The following IQCM variants were observed in gnomAD, a reference collection of about 807,000 sequenced individuals.
The protein encoded by IQCM is IQ domain-containing protein M.
In IQCM, 45 loss-of-function variants were observed where a neutral mutation model predicts 57.6. The ratio of observed to expected loss-of-function variants is 0.78; its 90% CI spans 0.62 to 1.00. The LOEUF is 1.00. Among genes scored for constraint, IQCM ranks in the 50% least tolerant of loss-of-function variants. IQCM has a pLI of 0.00. For synonymous variants in IQCM, 148 were observed against 158.9 expected (o/e 0.93, Z 0.51); for missense variants, 468 against 511.6 (o/e 0.91, Z 0.82).
At chr4:149,662,080 C>T (rs530497024) in intron 7 of IQCM, among the ~76,000 whole-genome samples, 3 of 152,036 alleles carry the variant, frequency 2.0e-5, no homozygotes, top group African/African-American at 7.2e-5. Context: ...GCATTTATTG[C>T]TATAAATAAC....
At chr4:149,717,812 C>T (rs760816535) in intron 5 of IQCM, among the ~76,000 whole-genome samples, 1 of 152,206 alleles carries the variant, frequency 6.6e-6, no homozygotes, top group Non-Finnish European at 1.5e-5. Context: ...GGGCCTAACA[C>T]TGCTAGGAGG....
At chr4:149,353,090 T>C (rs1300488181) in intron 13 of IQCM, among the ~76,000 whole-genome samples, 1 of 152,110 alleles carries the variant, frequency 6.6e-6, no homozygotes. Context: ...CAAGGCCTTA[T>C]AACAACAAGA....
chr4:149,360,713 A>C (rs1463501528), intron 13 of IQCM, among the ~76,000 whole-genome samples: 1 of 152,084 alleles, frequency 6.6e-6, no homozygotes. Flanking sequence ...AGTGCCATTC[A>C]CCTCATGCCA....
intron 7 of IQCM, among the ~76,000 whole-genome samples, chr4:149,673,093 C>T (rs530278771): frequency 6.6e-6 from 1 of 152,208 alleles, no homozygotes; most frequent in Admixed American, 6.5e-5. Context: ...TTTGTCACCA[C>T]CAGGCCTGCC....
At chr4:149,401,395 A>C (rs1732609473) in intron 13 of IQCM, among the ~76,000 whole-genome samples, 1 of 151,828 alleles carries the variant, frequency 6.6e-6, no homozygotes, top group South Asian at 2.1e-4. Context: ...ACCAGTAAAC[A>C]CTTCTAAAGA....
At chr4:149,731,569 C>G (rs551803108) in intron 5 of IQCM, among the ~76,000 whole-genome samples, 30 of 152,120 alleles carry the variant, frequency 2.0e-4, no homozygotes, top group Non-Finnish European at 4.3e-4. Context: ...AGTCTAGAAG[C>G]CTCAATATCT....
intron 7 of IQCM, among the ~76,000 whole-genome samples, chr4:149,644,280 A>G (rs1168898102): frequency 6.6e-6 from 1 of 152,196 alleles, no homozygotes; most frequent in Non-Finnish European, 1.5e-5. Flanking sequence ...CTACCACCCT[A>G]GAATCCTTCC....
At chr4:149,511,928 A>G (rs1240406461) in intron 12 of IQCM, among the ~76,000 whole-genome samples, 3 of 152,130 alleles carry the variant, frequency 2.0e-5, no homozygotes, top group African/African-American at 7.2e-5. Context: ...GCCTTTATTC[A>G]TTCATTTATT....
chr4:149,351,996 T>C lies in IQCM; in HGVS notation c.1461A>G (p.Arg487=), dbSNP rs1246009692. Residue 487 remains arginine (R), a synonymous_variant, in exon 14 of 14, where the codon AGA becomes AGG. Coordinates refer to ENST00000636793, the MANE Select transcript of IQCM (RefSeq NM_001363507.2). ...TATAATGTTGTCTCATTTTCCTTTC[T>C]CTTATGGATCGGGCCACCAACTTTC... ...VVGKLVARSI[R]ERKMRQHYKS... 4.0e-5 allele frequency: 16 copies of C among 398,982 alleles called. No individual in the cohort carries two copies. The South Asian group carries it at 1.9e-3, about 48-fold the overall frequency. 24.7% of individuals were successfully genotyped at this position (398,982 alleles called of 1,614,324 possible).
intron 7 of IQCM, among the ~76,000 whole-genome samples, chr4:149,663,316 C>T (rs938275767): frequency 7.9e-5 from 12 of 151,598 alleles, no homozygotes; most frequent in African/African-American, 1.7e-4. Context: ...ACTAGAACAA[C>T]GAAAGATTTA....
chr4:149,620,162 CA>C (rs142102905), intron 8 of IQCM, among the ~76,000 whole-genome samples: 32,051 of 143,230 alleles, frequency 0.22, 4,236 homozygotes, highest in Non-Finnish European at 0.29. Context: ...GTCTCAAAAA[CA>C]AAAAAAAAAG....
At chr4:149,367,646 T>A (rs2110953075) in intron 13 of IQCM, among the ~76,000 whole-genome samples, 1 of 152,156 alleles carries the variant, frequency 6.6e-6, no homozygotes, top group African/African-American at 2.4e-5. Flanking sequence ...CAGTATGCTC[T>A]TATTTCCAGC....
intron 8 of IQCM, among the ~76,000 whole-genome samples, chr4:149,613,950 T>C (rs1317764378): frequency 6.6e-6 from 1 of 152,208 alleles, no homozygotes; most frequent in Non-Finnish European, 1.5e-5. Context: ...GTGCCACATT[T>C]TCTTAATCCA....
At chr4:149,579,989 G>C (rs1752023887) in intron 9 of IQCM, among the ~76,000 whole-genome samples, 1 of 151,796 alleles carries the variant, frequency 6.6e-6, no homozygotes, top group Admixed American at 6.6e-5. Context: ...ATATTCTCTA[G>C]CTTAGTACTC....
chr4:149,503,351 A>G (rs1300651053), intron 12 of IQCM, among the ~76,000 whole-genome samples: 1 of 152,212 alleles, frequency 6.6e-6, no homozygotes, highest in Non-Finnish European at 1.5e-5. Context: ...TGCAGAAAAT[A>G]ACACACGGCT....
chr4:149,436,773 T>G (rs1735404161), intron 12 of IQCM, among the ~76,000 whole-genome samples: 1 of 152,098 alleles, frequency 6.6e-6, no homozygotes, highest in Non-Finnish European at 1.5e-5. Context: ...AGCAATACAC[T>G]ACTCTTAGAA....
rs140706041 is a variant in IQCM at position 149,366,943 on chromosome 4, A to G, written c.1391-14877T>C. Among the ~76,000 whole-genome samples, 361 of 152,174 alleles carry G rather than the reference A, an allele frequency of 2.4e-3. 1 individual carries two copies. Among genetic ancestry groups the G allele is most frequent in the Non-Finnish European group, 4.1e-3 (279 of 67,910 alleles). On this transcript the variant is annotated intron_variant, in intron 13 of 13. Coordinates refer to ENST00000636793, the MANE Select transcript of IQCM (RefSeq NM_001363507.2). Reference sequence around the variant, plus strand: ...TGCAAAACGGATTTGAAAAACTAATAATGACAAACAATGAGGAAAACTAAT... The same window carrying G: ...TGCAAAACGGATTTGAAAAACTAATGATGACAAACAATGAGGAAAACTAAT...
In IQCM at chr4:149,607,368, C is replaced by T. The variant is rs1448959376; in HGVS notation, c.681+13761G>A. Among the ~76,000 whole-genome samples the T allele has an allele frequency of 4.6e-5, 7 of 152,074 alleles. No homozygotes were observed. The South Asian group carries it at 1.5e-3, about 32-fold the overall frequency. On this transcript the variant is annotated intron_variant, in intron 8 of 13. Transcript: ENST00000636793. ...GGTGAGAGATTTCACTGACACCAGA[C>T]CTGTTTTCCAAGAAATTCTAAAGGG... is the stretch of plus-strand genomic sequence containing the variant.
At chr4:149,352,849 A>G (rs1398063579) in intron 13 of IQCM, among the ~76,000 whole-genome samples, 1 of 152,212 alleles carries the variant, frequency 6.6e-6, no homozygotes, top group Non-Finnish European at 1.5e-5. Context: ...GTATAGATTT[A>G]CTGTGGCCAC....
Sources: gnomAD v4.1 joint callset for allele counts (sites outside exome capture counted in the v4.1 genomes callset) on GRCh38, gnomAD v4.1.1 for gene constraint, MANE v1.5 for transcripts, NCBI Gene and HGNC (gene_info 2026-07-23, HGNC 2026-07-21) for gene names.